Variants in TEX9 observed in about 807,000 individuals in gnomAD.
The protein encoded by TEX9 is testis expressed 9.
A neutral mutation model predicts 59.6 loss-of-function variants in TEX9; 74 were observed. That is an observed-to-expected ratio of 1.24 (90% CI 1.03 to 1.51). The LOEUF (loss-of-function observed/expected upper bound fraction) is 1.51, where lower values mean the gene tolerates loss of function less well. Among genes scored for constraint, TEX9 ranks in the 40% most tolerant of loss-of-function variants. The pLI is 0.00. For synonymous variants in TEX9, 186 were observed against 152.2 expected (o/e 1.22, Z -1.64); for missense variants, 522 against 447.8 (o/e 1.17, Z -1.49).
At chr15:56,435,376 A>G (rs1267792623) in intron 12 of TEX9, among the ~76,000 whole-genome samples, 1 of 152,016 alleles carries the variant, frequency 6.6e-6, no homozygotes, top group African/African-American at 2.4e-5. Flanking sequence ...GGTGAAACAA[A>G]AGGCTGGTTC....
At chr15:56,419,846 A>ACCAACCCTACAAAAAC (rs2049883198) in intron 10 of TEX9, among the ~76,000 whole-genome samples, 8 of 151,762 alleles carry the variant, frequency 5.3e-5, no homozygotes, top group Admixed American at 5.2e-4. Context: ...TAGGGTTGGT[A>ACCAACCCTACAAAAAC]TTATTTTTTC....
At chr15:56,304,283 T>C (rs1164169940) in intron 1 of TEX9, among the ~76,000 whole-genome samples, 1 of 152,236 alleles carries the variant, frequency 6.6e-6, no homozygotes, top group Non-Finnish European at 1.5e-5. Flanking sequence ...AGTACTGTGC[T>C]GAATAACAGC....
downstream of TEX9, among the ~76,000 whole-genome samples, chr15:56,449,713 A>C (rs985527547): frequency 6.6e-6 from 1 of 152,226 alleles, no homozygotes; most frequent in Admixed American, 6.5e-5. Flanking sequence ...GACAAGGTTA[A>C]ATTACAGATG....
chr15:56,284,999 TATTA>T (rs1242323077), intron 1 of TEX9, among the ~76,000 whole-genome samples: 8 of 152,212 alleles, frequency 5.3e-5, no homozygotes, highest in Non-Finnish European at 8.8e-5. Flanking sequence ...TTATTGAATA[TATTA>T]ATTCTATATT....
At chr15:56,438,580 A>G (rs954942236) in intron 12 of TEX9, among the ~76,000 whole-genome samples, 2 of 152,150 alleles carry the variant, frequency 1.3e-5, no homozygotes, top group African/African-American at 2.4e-5. Context: ...GGACATAGGC[A>G]TGGGCAAGGA....
intron 1 of TEX9, among the ~76,000 whole-genome samples, chr15:56,353,399 C>T (rs1371390436): frequency 2.0e-5 from 3 of 152,044 alleles, no homozygotes; most frequent in African/African-American, 7.2e-5. Flanking sequence ...TACAAAACCA[C>T]AATTTCTGAT....
At chr15:56,446,947 T>C, downstream of TEX9, 1 of 1,599,178 alleles carries the variant, frequency 6.3e-7, no homozygotes, top group Non-Finnish European at 8.5e-7. Context: ...CTCAATGCTG[T>C]TTAAAAAAAC....
chr15:56,359,022 G>T (rs1179251810), intron 1 of TEX9, among the ~76,000 whole-genome samples: 5 of 151,982 alleles, frequency 3.3e-5, no homozygotes, highest in Non-Finnish European at 7.4e-5. Context: ...CCAGTCTCAG[G>T]TATTTTTTAT....
At chr15:56,248,988 A>C (rs1440163753) in intron 1 of TEX9, 3 of 152,228 alleles carry the variant, frequency 2.0e-5, no homozygotes, top group Admixed American at 1.3e-4. Flanking sequence ...ACAAGTTACT[A>C]TATTGGGACC....
downstream of TEX9, among the ~76,000 whole-genome samples, chr15:56,449,326 T>C (rs1317625161): frequency 2.0e-5 from 3 of 152,130 alleles, no homozygotes; most frequent in African/African-American, 7.2e-5. Context: ...TACACTCTTT[T>C]TATTAAATCA....
chr15:56,318,001 G>C (rs1215157030), intron 1 of TEX9, among the ~76,000 whole-genome samples: 1 of 152,008 alleles, frequency 6.6e-6, no homozygotes, highest in East Asian at 1.9e-4. Flanking sequence ...AGGTCTAGTT[G>C]GTTTATAGCA....
At chr15:56,437,966 C>G (rs1087764) in intron 12 of TEX9, among the ~76,000 whole-genome samples, 4,748 of 151,946 alleles carry the variant, frequency 0.031, 185 homozygotes, top group East Asian at 0.093. Context: ...AAATAAAAGA[C>G]GACACAAACA....
chr15:56,290,108 C>T (rs1040351655), intron 1 of TEX9, among the ~76,000 whole-genome samples: 4 of 152,194 alleles, frequency 2.6e-5, no homozygotes, highest in Middle Eastern at 3.4e-3. Context: ...AGTGGGTGCA[C>T]GTGGAGCTGC....
intron 3 of TEX9, 128 bp from the exon 4 acceptor site, chr15:56,383,824 C>A (rs557522262): frequency 3.4e-6 from 2 of 589,276 alleles, no homozygotes; most frequent in South Asian, 5.9e-5. Flanking sequence ...ATTTAGAATT[C>A]CGTGCCTTTA....
At chr15:56,293,500 G>C (rs1459251746) in intron 1 of TEX9, among the ~76,000 whole-genome samples, 1 of 152,246 alleles carries the variant, frequency 6.6e-6, no homozygotes, top group Admixed American at 6.5e-5. Context: ...ACCAGGAAGT[G>C]ATCTGTAGGC....
At chr15:56,382,722 T>A (rs2047785318) in intron 3 of TEX9, among the ~76,000 whole-genome samples, 1 of 152,204 alleles carries the variant, frequency 6.6e-6, no homozygotes, top group Non-Finnish European at 1.5e-5. Context: ...CTGTCTTCCA[T>A]GGCCGAGGTG....
intron 1 of TEX9, among the ~76,000 whole-genome samples, chr15:56,317,268 A>T (rs1295187267): frequency 6.0e-4 from 92 of 152,360 alleles, no homozygotes; most frequent in Non-Finnish European, 4.4e-5. Flanking sequence ...CAAATTGACC[A>T]GTTTGTCTTT....
At chr15:56,349,552 C>T (rs1329780684) in intron 1 of TEX9, among the ~76,000 whole-genome samples, 2 of 152,184 alleles carry the variant, frequency 1.3e-5, no homozygotes, top group South Asian at 2.1e-4. Flanking sequence ...CCAAATGCAG[C>T]GTTCCCTCAG....
rs556539338 is a variant in TEX9, at chr15:56,283,189, T to C, written c.-107+38911T>C. 3.3e-5 allele frequency among the ~76,000 whole-genome samples: 5 copies of C among 152,202 alleles called. No homozygotes were observed. In the South Asian group the frequency reaches 1.0e-3, roughly 32 times the overall value. ...AGGGACACAGGGGAAGCTGTTTTCT[T>C]TTTGCTTTATATCCTTTATATTATT... On this transcript the variant is annotated intron_variant, in intron 1 of 5. Coordinates refer to the TEX9 transcript ENST00000560827.
Sources: gnomAD v4.1 joint callset for allele counts (sites outside exome capture counted in the v4.1 genomes callset) on GRCh38, gnomAD v4.1.1 for gene constraint, MANE v1.5 for transcripts, NCBI Gene and HGNC (gene_info 2026-07-23, HGNC 2026-07-21) for gene names.